NPIPA8: variants seen among roughly 807,000 people sequenced by gnomAD.
The protein encoded by NPIPA8 is nuclear pore complex-interacting protein family member A8.
In NPIPA8, 1 loss-of-function variant was observed where a neutral mutation model predicts 7.1. The observed-to-expected ratio is 0.14, with a 90% CI of 0.05 to 0.66. The LOEUF (loss-of-function observed/expected upper bound fraction) is 0.66. Among genes scored for constraint, NPIPA8 ranks in the 30% least tolerant of loss-of-function variants. The pLI, the probability that NPIPA8 is intolerant of heterozygous loss-of-function variation, is 0.84.
upstream of NPIPA8, among the ~76,000 whole-genome samples, chr16:18,335,245 A>T (rs373371904): frequency 3.6e-3 from 109 of 30,616 alleles, 1 homozygote; most frequent in South Asian, 9.1e-3. Flanking sequence ...TCACCCAGGC[A>T]GGAGTGCACT....
At chr16:18,324,800 T>TCACA (rs529158643) in intron 2 of NPIPA8, among the ~76,000 whole-genome samples, 5,059 of 58,168 alleles carry the variant, frequency 0.087, 732 homozygotes, top group Middle Eastern at 0.1. Flanking sequence ...TGAGACTCTG[T>TCACA]CACACACACA....
chr16:18,336,297 G>A (rs1900180598), upstream of NPIPA8, among the ~76,000 whole-genome samples: 1 of 109,620 alleles, frequency 9.1e-6, no homozygotes, highest in African/African-American at 4.0e-5. Flanking sequence ...CTCTTCACTT[G>A]CTATAGATGT....
At chr16:18,335,517 AACTTT>A (rs1212211276), upstream of NPIPA8, among the ~76,000 whole-genome samples, 2 of 115,852 alleles carry the variant, frequency 1.7e-5, 1 homozygote, top group African/African-American at 8.0e-5. Flanking sequence ...CATTTTAATT[AACTTT>A]AATACGAGCA....
intron 2 of NPIPA8, among the ~76,000 whole-genome samples, chr16:18,325,068 A>C (rs1431421779): frequency 1.0e-4 from 7 of 67,566 alleles, no homozygotes; most frequent in African/African-American, 4.1e-4. Context: ...CAGCAGGAAA[A>C]GGTTGTGGTG....
upstream of NPIPA8, among the ~76,000 whole-genome samples, chr16:18,336,055 C>T (rs1268389574): frequency 2.0e-5 from 3 of 151,466 alleles, no homozygotes; most frequent in East Asian, 2.0e-4. Context: ...CTCCTGACCT[C>T]AACTGATCTG....
upstream of NPIPA8, among the ~76,000 whole-genome samples, chr16:18,335,889 C>G (rs1309698311): frequency 7.1e-6 from 1 of 140,852 alleles, no homozygotes; most frequent in Non-Finnish European, 1.5e-5. Flanking sequence ...GGCGCAATCT[C>G]GGCTCACTGC....
chr16:18,336,003 G>A (rs1308849946), upstream of NPIPA8, among the ~76,000 whole-genome samples: 2 of 151,726 alleles, frequency 1.3e-5, no homozygotes, highest in African/African-American at 2.4e-5. Context: ...TGTATTTGTA[G>A]TAGAGACAGG....
chr16:18,323,845 A>G (rs866922187), intron 4 of NPIPA8, among the ~76,000 whole-genome samples: 7 of 122,950 alleles, frequency 5.7e-5, no homozygotes, highest in South Asian at 2.5e-4. Flanking sequence ...AAAAAAAAAA[A>G]AAAGAGAAAG....
At chr16:18,336,122 C>CT (rs1900176213), upstream of NPIPA8, among the ~76,000 whole-genome samples, 1 of 141,658 alleles carries the variant, frequency 7.1e-6, no homozygotes, top group Non-Finnish European at 1.5e-5. Flanking sequence ...GTGCCTGGCC[C>CT]TTTTTAATGT....
Position 18,324,825 on chromosome 16 carries a change from C to T in NPIPA8, c.193-327G>A, listed in dbSNP as rs1355090820. ...TCACACACACACACACACACACACA[C>T]ACACACACACACACAAAGAATGACA... On this transcript the variant is annotated intron_variant, in intron 2 of 7. Coordinates refer to ENST00000541810, the Ensembl canonical transcript of NPIPA8. 2.9e-3 allele frequency among the ~76,000 whole-genome samples: 262 copies of T among 88,836 alleles called. 52 individuals carry two copies. Among genetic ancestry groups the T allele is most frequent in the Admixed American group, 6.0e-3 (50 of 8,348 alleles). The allele number at this position is 88,836 out of a possible 152,430, so 58.3% of individuals were successfully genotyped here. A position where few individuals can be genotyped will look rare whatever the true frequency, so the allele number is the denominator to read the frequency against.
chr16:18,323,864 A>G (rs1321974899), intron 4 of NPIPA8, among the ~76,000 whole-genome samples: 3 of 133,948 alleles, frequency 2.2e-5, no homozygotes, highest in African/African-American at 7.6e-5. Flanking sequence ...AGGAAAACCA[A>G]TGCCAGTACT....
chr16:18,335,199 AT>A (rs1187630024), upstream of NPIPA8, among the ~76,000 whole-genome samples: 665 of 13,394 alleles, frequency 0.05, 3 homozygotes, highest in African/African-American at 0.06. Context: ...TTTGAATTTC[AT>A]TTTTTTTTTT....
chr16:18,323,342 CAAAAAA>C (rs1336478438), intron 4 of NPIPA8, among the ~76,000 whole-genome samples: 1 of 12,214 alleles, frequency 8.2e-5, no homozygotes, highest in South Asian at 1.8e-3. Context: ...GACTCCGTCT[CAAAAAA>C]AAAAAAAAAA....
intron 4 of NPIPA8, among the ~76,000 whole-genome samples, chr16:18,323,804 A>T (rs1287067353): frequency 1.9e-5 from 2 of 105,160 alleles, no homozygotes; most frequent in South Asian, 6.7e-4. Flanking sequence ...CAACAAGAGC[A>T]AAGCCCCATC....
At position 18,323,847 on chromosome 16, in the gene NPIPA8, A is replaced by AAAAAAAAAAAAAAAAG. The variant is rs750129798; in HGVS notation, c.437+243_437+244insCTTTTTTTTTTTTTTT. On this transcript the variant is annotated intron_variant, in intron 4 of 7. Transcript: ENST00000541810. ...AAAAAAAAAAAAAAAAAAAAAAAAA[A>AAAAAAAAAAAAAAAAG]AGAGAAAGGAAAACCAATGCCAGTA... 2.8e-4 allele frequency among the ~76,000 whole-genome samples: 26 copies of AAAAAAAAAAAAAAAAG among 91,628 alleles called. 3 individuals are homozygous for AAAAAAAAAAAAAAAAG. Among genetic ancestry groups the AAAAAAAAAAAAAAAAG allele is most frequent in the South Asian group, 7.5e-4 (2 of 2,668 alleles). 60.1% of individuals were successfully genotyped at this position (91,628 alleles called of 152,430 possible).
At position 18,324,734 on chromosome 16, in the gene NPIPA8, G is replaced by A. The variant is rs1407852670; in HGVS notation, c.193-236C>T. Among the ~76,000 whole-genome samples the A allele has an allele frequency of 1.2e-4, 8 of 68,756 alleles. 2 individuals are homozygous for A. In the Admixed American group the frequency reaches 1.2e-3, roughly 11 times the overall value. 45.1% of individuals were successfully genotyped at this position (68,756 alleles called of 152,430 possible). A position where few individuals can be genotyped will look rare whatever the true frequency, so the allele number is the denominator to read the frequency against. ...GCAGAGAACCGTTTGAAGCTGGGAG[G>A]CGGAGTTTGCAGTGAGCCGAGATCA... On this transcript the variant is annotated intron_variant, in intron 2 of 7. Coordinates refer to ENST00000541810, the Ensembl canonical transcript of NPIPA8.
At chr16:18,323,867 C>T (rs1384896217) in intron 4 of NPIPA8, among the ~76,000 whole-genome samples, 1 of 119,188 alleles carries the variant, frequency 8.4e-6, no homozygotes, top group East Asian at 2.6e-4. Flanking sequence ...AAAACCAATG[C>T]CAGTACTAGC....
intron 4 of NPIPA8, among the ~76,000 whole-genome samples, chr16:18,323,812 A>G (rs1210108491): frequency 5.3e-5 from 5 of 94,574 alleles, no homozygotes; most frequent in Non-Finnish European, 1.2e-4. Flanking sequence ...GCAAAGCCCC[A>G]TCTCAGGAAA....
chr16:18,323,518 TA>T lies in NPIPA8; in HGVS notation c.437+572del, dbSNP rs1172308198. 8.5e-3 allele frequency among the ~76,000 whole-genome samples: 168 copies of T among 19,860 alleles called. 1 individual carries two copies. The highest frequency in any genetic ancestry group is 0.021 in the African/African-American group (146 of 6,908). The allele number at this position is 19,860 out of a possible 152,430, so 13.0% of individuals were successfully genotyped here. On this transcript the variant is annotated intron_variant, in intron 4 of 7. Transcript: ENST00000541810. ...ACAGAGCGAGACTCTATCTCAAAAT[TA>T]AAAAAAAAAAAAAAAAGGCTGGGTG...
Sources: allele counts gnomAD v4.1 joint callset (sites outside exome capture counted in the v4.1 genomes callset), GRCh38; gene constraint gnomAD v4.1.1; transcripts MANE v1.5; gene names NCBI Gene and HGNC (gene_info 2026-07-23, HGNC 2026-07-21).